TGFB2: variants seen among roughly 807,000 people sequenced by gnomAD.
The protein encoded by TGFB2 is transforming growth factor beta 2, also known as transforming growth factor beta-2 proprotein.
Under a neutral mutation model 42.7 loss-of-function variants are expected in TGFB2, and 13 were observed. The observed-to-expected ratio is 0.30, with a 90% CI of 0.20 to 0.48. The LOEUF (loss-of-function observed/expected upper bound fraction) is 0.48, where lower values mean the gene tolerates loss of function less well. Ranked by LOEUF, TGFB2 falls within the 20% of genes least tolerant of loss-of-function variation. The pLI, the probability that TGFB2 is intolerant of heterozygous loss-of-function variation, is 0.99. For missense variants in TGFB2, 390 were observed against 517.5 expected (o/e 0.75, Z 2.39); for synonymous variants, 193 against 193.6 (o/e 1.00, Z 0.03).
chr1:218,376,034 A>T (rs1190461945), intron 1 of TGFB2, among the ~76,000 whole-genome samples: 1 of 152,242 alleles, frequency 6.6e-6, no homozygotes, highest in Admixed American at 6.5e-5. Flanking sequence ...ATGAGGAGTT[A>T]CTAATAAATG....
intron 4 of TGFB2, among the ~76,000 whole-genome samples, chr1:218,435,516 TCAGTTTATGTTCA>T (rs1659942248): frequency 6.6e-6 from 1 of 152,244 alleles, no homozygotes; most frequent in Non-Finnish European, 1.5e-5. Flanking sequence ...CAGTTAAGTC[TCAGTTTATGTTCA>T]TTAGGAAAGT....
chr1:218,428,721 C>A (rs1462294002), intron 2 of TGFB2, among the ~76,000 whole-genome samples: 5 of 152,178 alleles, frequency 3.3e-5, no homozygotes, highest in African/African-American at 1.2e-4. Flanking sequence ...CAGCACCATG[C>A]TTTTTTGGTT....
At chr1:218,433,644 C>G (rs1432824351) in intron 2 of TGFB2, among the ~76,000 whole-genome samples, 1 of 152,172 alleles carries the variant, frequency 6.6e-6, no homozygotes, top group Non-Finnish European at 1.5e-5. Flanking sequence ...AATTCAGGGC[C>G]TTTGAGAGTG....
intron 1 of TGFB2, among the ~76,000 whole-genome samples, chr1:218,380,983 A>C (rs1657940016): frequency 6.6e-6 from 1 of 152,154 alleles, no homozygotes; most frequent in African/African-American, 2.4e-5. Context: ...AGATGGGAAA[A>C]GTGCAGCTGA....
chr1:218,440,249 G>C (rs1166755061), intron 6 of TGFB2, among the ~76,000 whole-genome samples: 1 of 152,074 alleles, frequency 6.6e-6, no homozygotes, highest in Admixed American at 6.5e-5. Flanking sequence ...CAAAATGTAA[G>C]AAAGTGAATA....
At position 218,362,476 on chromosome 1, in the gene TGFB2, G is replaced by A. The variant is rs10482736; in HGVS notation, c.346+15429G>A. On this transcript the variant is annotated intron_variant, in intron 1 of 6. Transcript: ENST00000366930. ...TTTTATAAAAACCCTCAGAGGCAGGGTTACGTCTGCCTCATCTTACAGACT... is the reference window on the plus strand; with the variant it reads ...TTTTATAAAAACCCTCAGAGGCAGGATTACGTCTGCCTCATCTTACAGACT... 9.4e-3 allele frequency among the ~76,000 whole-genome samples: 1,425 copies of A among 152,298 alleles called. 22 individuals carry two copies. The highest frequency in any genetic ancestry group is 0.032 in the African/African-American group (1,349 of 41,560).
chr1:218,441,262 C>T lies in TGFB2; in HGVS notation c.1145C>T (p.Ser382Phe), dbSNP rs1217563256. ...GCATCTGCTTCTCCTTGCTGCGTGT[C>T]CCAAGATTTAGAACCTCTAACCATT... ...PEASASPCCV[S>F]QDLEPLTILY... Residue 382 changes from serine (S) to phenylalanine (F), a missense_variant, in exon 7 of 7, where the codon TCC (serine) becomes TTC (phenylalanine). Ser to Phe is a radical substitution (Grantham distance 155). Transcript: ENST00000366930. 1 of 1,613,706 alleles carries T rather than the reference C, an allele frequency of 6.2e-7. No homozygotes were observed. The highest frequency in any genetic ancestry group is 1.3e-5 in the African/African-American group (1 of 74,876).
intron 1 of TGFB2, among the ~76,000 whole-genome samples, chr1:218,353,366 G>C (rs913407716): frequency 6.6e-6 from 1 of 152,176 alleles, no homozygotes; most frequent in African/African-American, 2.4e-5. Flanking sequence ...ACCATGTCTG[G>C]CACTATCCAG....
chr1:218,370,881 C>T (rs1445793253), intron 1 of TGFB2, among the ~76,000 whole-genome samples: 1 of 152,176 alleles, frequency 6.6e-6, no homozygotes, highest in Non-Finnish European at 1.5e-5. Flanking sequence ...GAATTGGGTA[C>T]AAGGGAGAGA....
chr1:218,426,168 C>G (rs1242122488), intron 2 of TGFB2, among the ~76,000 whole-genome samples: 1 of 152,200 alleles, frequency 6.6e-6, no homozygotes, highest in Admixed American at 6.5e-5. Flanking sequence ...TGAATAGCCC[C>G]ATGGTCTCCT....
At chr1:218,378,581 T>C (rs545484926) in intron 1 of TGFB2, among the ~76,000 whole-genome samples, 2 of 152,240 alleles carry the variant, frequency 1.3e-5, no homozygotes, top group East Asian at 3.9e-4. Flanking sequence ...CCCAAAGTGC[T>C]GGGATTATAG....
intron 2 of TGFB2, among the ~76,000 whole-genome samples, chr1:218,424,637 C>G (rs1659561578): frequency 6.6e-6 from 1 of 152,200 alleles, no homozygotes; most frequent in Non-Finnish European, 1.5e-5. Flanking sequence ...AAGACCAACC[C>G]TCCTCCCTTC....
At position 218,436,133 on chromosome 1, in the gene TGFB2, G is replaced by T. The variant is rs767936611; in HGVS notation, c.918G>T (p.Ala306=). 1 of 1,610,486 alleles carries T rather than the reference G, an allele frequency of 6.2e-7. No homozygotes were observed. The highest frequency in any genetic ancestry group is 8.5e-7 in the Non-Finnish European group (1 of 1,179,034). ...GGCGGAAGAAGCGTGCTTTGGATGC[G>T]GCCTATTGCTTTAGGTAAAGGAAAG... The part of the protein sequence containing the change: ...TNRRKKRALD[A]AYCFRNVQDN... The change falls in exon 5 of 7, where the codon GCG becomes GCT. Residue 306 remains alanine (A), a synonymous_variant. Transcript: ENST00000366930.
chr1:218,359,744 A>G (rs943973197), intron 1 of TGFB2, among the ~76,000 whole-genome samples: 2 of 152,224 alleles, frequency 1.3e-5, no homozygotes, highest in African/African-American at 4.8e-5. Flanking sequence ...GAGTTGCTAT[A>G]TCACAAGAGA....
intron 6 of TGFB2, among the ~76,000 whole-genome samples, chr1:218,439,406 T>C (rs1660082927): frequency 6.6e-6 from 1 of 152,148 alleles, no homozygotes; most frequent in African/African-American, 2.4e-5. Flanking sequence ...ACATACTACA[T>C]TCAGCTGAAT....
intron 2 of TGFB2, among the ~76,000 whole-genome samples, chr1:218,423,176 G>A (rs902209831): frequency 6.6e-6 from 1 of 152,128 alleles, no homozygotes; most frequent in Non-Finnish European, 1.5e-5. Flanking sequence ...TAATAACACG[G>A]TTTTGACCTA....
rs191635320 is a variant in TGFB2, at chr1:218,405,473, G to A, written c.510+141G>A. On this transcript the variant is annotated intron_variant, in intron 2 of 6. Transcript: ENST00000366930. ...TTGAACTCCTGGGTTCAAACGATCC[G>A]CTTGCCTCAGCCTCCCTAGTCAATG... The A allele has an allele frequency of 5.1e-5, 72 of 1,421,254 alleles. No individual in the cohort carries two copies. In the East Asian group the frequency reaches 1.6e-3, roughly 31 times the overall value. The allele number at this position is 1,421,254 out of a possible 1,614,324, so 88.0% of individuals were successfully genotyped here. A position where few individuals can be genotyped will look rare whatever the true frequency, so the allele number is the denominator to read the frequency against.
At chr1:218,435,942 G>T in intron 4 of TGFB2, 28 bp from the exon 5 acceptor site, 1 of 1,581,328 alleles carries the variant, frequency 6.3e-7, no homozygotes, top group Non-Finnish European at 8.6e-7. Context: ...GAAGCTAAAT[G>T]TTTATTACCC....
intron 1 of TGFB2, among the ~76,000 whole-genome samples, chr1:218,367,008 C>T (rs1657407711): frequency 6.6e-6 from 1 of 152,050 alleles, no homozygotes; most frequent in Non-Finnish European, 1.5e-5. Context: ...TTAAGAGTAC[C>T]ACACATACCC....
Sources: allele counts gnomAD v4.1 joint callset (sites outside exome capture counted in the v4.1 genomes callset), GRCh38; gene constraint gnomAD v4.1.1; transcripts MANE v1.5; gene names NCBI Gene and HGNC (gene_info 2026-07-23, HGNC 2026-07-21).